Variants in PALM2AKAP2 observed in about 807,000 individuals in gnomAD.
PALM2AKAP2 encodes the protein PALM2 and AKAP2 fusion, also known as PALM2-AKAP2 fusion protein.
PALM2AKAP2 carries 37 observed loss-of-function variants against 71.5 expected under a neutral mutation model. The observed-to-expected ratio is 0.52, with a 90% CI of 0.40 to 0.68. The LOEUF (loss-of-function observed/expected upper bound fraction) is 0.68, where lower values mean the gene tolerates loss of function less well. Among genes scored for constraint, PALM2AKAP2 ranks in the 30% least tolerant of loss-of-function variants. The probability of loss-of-function intolerance (pLI) is 0.00; values close to 1 mark genes in which losing one functional copy is unlikely to be tolerated. For synonymous variants in PALM2AKAP2, 468 were observed against 478.8 expected, an observed-to-expected ratio of 0.98 and a Z score of 0.29; for missense variants, 1,224 against 1,191.8, an observed-to-expected ratio of 1.03 and a Z score of -0.40.
At chr9:109,933,050 T>C (rs1831143268) in intron 6 of PALM2AKAP2, among the ~76,000 whole-genome samples, 1 of 152,212 alleles carries the variant, frequency 6.6e-6, no homozygotes, top group South Asian at 2.1e-4. Flanking sequence ...ACTGGCTAAT[T>C]TAAATATCTG....
chr9:110,162,690 C>T (rs1037216142), intron 3 of PALM2AKAP2, among the ~76,000 whole-genome samples: 2 of 152,246 alleles, frequency 1.3e-5, no homozygotes, highest in African/African-American at 4.8e-5. Flanking sequence ...AAACTCTAAG[C>T]CTTGATTTCT....
intron 2 of PALM2AKAP2, among the ~76,000 whole-genome samples, chr9:110,152,356 G>T (rs1273491316): frequency 6.6e-6 from 1 of 152,200 alleles, no homozygotes; most frequent in South Asian, 2.1e-4. Flanking sequence ...ATCATTACAG[G>T]TGAATAAACC....
intron 7 of PALM2AKAP2, among the ~76,000 whole-genome samples, chr9:110,035,670 T>C (rs1350652532): frequency 8.1e-6 from 1 of 123,044 alleles, no homozygotes; most frequent in Non-Finnish European, 1.6e-5. Flanking sequence ...GGATATGTTG[T>C]GTGTTATATA....
At chr9:109,643,908 G>A (rs2132226508) in intron 1 of PALM2AKAP2, among the ~76,000 whole-genome samples, 1 of 152,304 alleles carries the variant, frequency 6.6e-6, no homozygotes, top group South Asian at 2.1e-4. Flanking sequence ...TCAGCTTCCG[G>A]TGAGGCCTCA....
intron 1 of PALM2AKAP2, among the ~76,000 whole-genome samples, chr9:109,857,122 A>G (rs1014786748): frequency 1.3e-5 from 2 of 152,174 alleles, no homozygotes; most frequent in South Asian, 2.1e-4. Context: ...AGACAGGCCT[A>G]TCAACCCAGT....
intron 1 of PALM2AKAP2, among the ~76,000 whole-genome samples, chr9:109,659,405 C>G (rs992640334): frequency 6.6e-6 from 1 of 151,830 alleles, no homozygotes. Context: ...ACTCCCTTAC[C>G]CACCCCCTCC....
At chr9:109,896,603 G>A (rs779737771) in intron 3 of PALM2AKAP2, among the ~76,000 whole-genome samples, 5 of 151,908 alleles carry the variant, frequency 3.3e-5, no homozygotes, top group African/African-American at 2.4e-5. Flanking sequence ...TTGAGCCCAG[G>A]AGTTCAAGAC....
chr9:109,792,766 C>A (rs945493867), intron 1 of PALM2AKAP2, among the ~76,000 whole-genome samples: 1 of 152,100 alleles, frequency 6.6e-6, no homozygotes, highest in African/African-American at 2.4e-5. Flanking sequence ...TCTGCTCCAG[C>A]CTGGGTCGTC....
At chr9:109,691,158 G>A (rs998484085) in intron 1 of PALM2AKAP2, among the ~76,000 whole-genome samples, 1 of 133,852 alleles carries the variant, frequency 7.5e-6, no homozygotes, top group Non-Finnish European at 1.6e-5. Flanking sequence ...TACCAATGTT[G>A]CATTACTTTG....
At chr9:110,103,520 G>T (rs934168069) in intron 1 of PALM2AKAP2, among the ~76,000 whole-genome samples, 9 of 152,358 alleles carry the variant, frequency 5.9e-5, no homozygotes, top group African/African-American at 2.2e-4. Flanking sequence ...AGTGTTAATA[G>T]CCTGTGGAGG....
chr9:109,824,738 A>G (rs1469017603), intron 1 of PALM2AKAP2, among the ~76,000 whole-genome samples: 1 of 152,228 alleles, frequency 6.6e-6, no homozygotes. Flanking sequence ...GTGAGCCATG[A>G]TAGGGATCCA....
intron 1 of PALM2AKAP2, among the ~76,000 whole-genome samples, chr9:110,084,758 C>T (rs535935982): frequency 6.6e-5 from 10 of 151,466 alleles, no homozygotes; most frequent in East Asian, 1.9e-4. Flanking sequence ...TTTTTTGAGA[C>T]GGAGTCTCGC....
chr9:109,967,253 G>A (rs1346654367), intron 6 of PALM2AKAP2, among the ~76,000 whole-genome samples: 1 of 152,116 alleles, frequency 6.6e-6, no homozygotes, highest in Non-Finnish European at 1.5e-5. Context: ...TCACAGCTCA[G>A]CAGCTGTATC....
intron 1 of PALM2AKAP2, among the ~76,000 whole-genome samples, chr9:110,062,256 C>T (rs991190009): frequency 6.6e-6 from 1 of 152,062 alleles, no homozygotes; most frequent in African/African-American, 2.4e-5. Flanking sequence ...CCCACCCCCT[C>T]CAAGAGGCCC....
At chr9:109,653,255 C>G (rs1249366096) in intron 1 of PALM2AKAP2, among the ~76,000 whole-genome samples, 1 of 152,022 alleles carries the variant, frequency 6.6e-6, no homozygotes, top group Non-Finnish European at 1.5e-5. Context: ...AAACAAAGAA[C>G]AAAAAGGAAA....
At chr9:109,968,565 G>A (rs981113775) in intron 6 of PALM2AKAP2, among the ~76,000 whole-genome samples, 2 of 152,104 alleles carry the variant, frequency 1.3e-5, no homozygotes, top group East Asian at 1.9e-4. Flanking sequence ...GGGTTTCATT[G>A]CACCCTACAA....
At chr9:109,650,844 T>C (rs980700509) in intron 1 of PALM2AKAP2, among the ~76,000 whole-genome samples, 1 of 152,234 alleles carries the variant, frequency 6.6e-6, no homozygotes, top group Non-Finnish European at 1.5e-5. Context: ...ATGAATCTTG[T>C]GTTTCTACGA....
chr9:109,930,483 C>T (rs1398931547), intron 5 of PALM2AKAP2, among the ~76,000 whole-genome samples: 1 of 152,220 alleles, frequency 6.6e-6, no homozygotes, highest in Non-Finnish European at 1.5e-5. Context: ...GCCTTGGTCT[C>T]CCAAAGTGCT....
chr9:109,902,145 A>G (rs1255146163), intron 3 of PALM2AKAP2, among the ~76,000 whole-genome samples: 2 of 152,210 alleles, frequency 1.3e-5, no homozygotes, highest in African/African-American at 2.4e-5. Context: ...TCAGCCTCAC[A>G]TCTCATTAAC....
Sources: gnomAD v4.1 joint callset for allele counts (sites outside exome capture counted in the v4.1 genomes callset) on GRCh38, gnomAD v4.1.1 for gene constraint, MANE v1.5 for transcripts, NCBI Gene and HGNC (gene_info 2026-07-23, HGNC 2026-07-21) for gene names.